The following IQGAP1 variants were observed in gnomAD, a reference collection of about 807,000 sequenced individuals.
IQGAP1 encodes IQ motif containing GTPase activating protein 1.
IQGAP1 carries 66 observed loss-of-function variants against 215.6 expected under a neutral mutation model. That is an observed-to-expected ratio of 0.31 (90% CI 0.25 to 0.38). The LOEUF (loss-of-function observed/expected upper bound fraction) is 0.38, where lower values mean the gene tolerates loss of function less well. IQGAP1 is among the 10% of genes least tolerant of loss of function. The probability of loss-of-function intolerance (pLI) is 1.00; values close to 1 mark genes in which losing one functional copy is unlikely to be tolerated. For synonymous variants in IQGAP1, 772 were observed against 728.7 expected, an observed-to-expected ratio of 1.06 and a Z score of -0.96; for missense variants, 1,712 against 1,997.1, an observed-to-expected ratio of 0.86 and a Z score of 2.72.
intron 2 of IQGAP1, among the ~76,000 whole-genome samples, chr15:90,392,930 A>G (rs1449264966): frequency 1.3e-5 from 2 of 151,770 alleles, no homozygotes; most frequent in African/African-American, 2.4e-5. Context: ...TCTTTAGTAG[A>G]GACTGGGTTT....
chr15:90,496,462 A>C (rs1399813263), intron 36 of IQGAP1, among the ~76,000 whole-genome samples: 1 of 151,714 alleles, frequency 6.6e-6, no homozygotes, highest in Non-Finnish European at 1.5e-5. Flanking sequence ...AGTAGCTGGG[A>C]CTGCAGGTGC....
intron 37 of IQGAP1, among the ~76,000 whole-genome samples, chr15:90,498,808 C>T (rs920970510): frequency 2.0e-5 from 2 of 97,920 alleles, no homozygotes; most frequent in African/African-American, 4.3e-5. Flanking sequence ...CCATCACGCC[C>T]GGCTAATTTT....
Position 90,454,533 on chromosome 15 carries a change from G to A in IQGAP1, c.1593G>A (p.Val531=), listed in dbSNP as rs766196295. 81 of 1,586,542 alleles carry A rather than the reference G, an allele frequency of 5.1e-5. No individual in the cohort carries two copies. Among genetic ancestry groups the A allele is most frequent in the Non-Finnish European group, 7.7e-6 (9 of 1,167,968 alleles). Residue 531 remains valine (V), a synonymous_variant, in exon 14 of 38, where the codon GTG becomes GTA. Transcript: ENST00000268182. ...CTTGCGTGGACCATGTGAACCTGGTGGTGCAAGAGGAACATGAGAGTGAGT... is the reference window on the plus strand; with the variant it reads ...CTTGCGTGGACCATGTGAACCTGGTAGTGCAAGAGGAACATGAGAGTGAGT... ...IQACVDHVNL[V]VQEEHERILA...
At chr15:90,492,464 G>A in intron 34 of IQGAP1, 81 bp from the exon 35 acceptor site, 1 of 896,842 alleles carries the variant, frequency 1.1e-6, no homozygotes, top group South Asian at 2.2e-5. Flanking sequence ...ATTTAAGGCA[G>A]AGTTAAGCAT....
At chr15:90,447,512 T>C (rs1311497407) in intron 9 of IQGAP1, among the ~76,000 whole-genome samples, 1 of 152,212 alleles carries the variant, frequency 6.6e-6, no homozygotes, top group Non-Finnish European at 1.5e-5. Context: ...CCCCAGATAT[T>C]TTTATTTTTG....
intron 10 of IQGAP1, 78 bp downstream of exon 10, chr15:90,448,814 A>G: frequency 8.2e-7 from 1 of 1,224,522 alleles, no homozygotes; most frequent in Non-Finnish European, 1.1e-6. Context: ...AAAGATATAT[A>G]TGCTGCCTTT....
intron 2 of IQGAP1, among the ~76,000 whole-genome samples, chr15:90,416,974 T>G (rs1463216430): frequency 3.3e-5 from 5 of 152,216 alleles, no homozygotes; most frequent in Admixed American, 2.6e-4. Flanking sequence ...GTGATGACCA[T>G]TTTTTCATGT....
chr15:90,407,205 G>C (rs986442236), intron 2 of IQGAP1, among the ~76,000 whole-genome samples: 3 of 152,210 alleles, frequency 2.0e-5, no homozygotes, highest in Non-Finnish European at 4.4e-5. Context: ...TCTGGGATGA[G>C]AGCGTGTTCG....
At chr15:90,401,526 T>TC (rs942349205) in intron 2 of IQGAP1, among the ~76,000 whole-genome samples, 4 of 152,346 alleles carry the variant, frequency 2.6e-5, no homozygotes, top group African/African-American at 9.6e-5. Context: ...GTCAGTGTAT[T>TC]CCCCTTGCCT....
At chr15:90,456,960 T>C (rs1965692389) in intron 15 of IQGAP1, among the ~76,000 whole-genome samples, 1 of 125,536 alleles carries the variant, frequency 8.0e-6, no homozygotes, top group Admixed American at 8.6e-5. Flanking sequence ...AATATACGTA[T>C]ATATACATAT....
At chr15:90,467,911 CTCTT>C (rs1965853420) in intron 18 of IQGAP1, among the ~76,000 whole-genome samples, 1 of 152,216 alleles carries the variant, frequency 6.6e-6, no homozygotes, top group African/African-American at 2.4e-5. Flanking sequence ...TTTTCAGTCT[CTCTT>C]CTAACTGTTC....
At chr15:90,461,505 A>T (rs1965761071) in intron 15 of IQGAP1, among the ~76,000 whole-genome samples, 1 of 152,212 alleles carries the variant, frequency 6.6e-6, no homozygotes, top group African/African-American at 2.4e-5. Context: ...CAAGACATGG[A>T]TATCAGGGCT....
chr15:90,452,724 C>T, intron 11 of IQGAP1, 51 bp from the exon 12 acceptor site: 6 of 1,582,488 alleles, frequency 3.8e-6, no homozygotes, highest in Non-Finnish European at 5.2e-6. Flanking sequence ...ACCTTCTTCC[C>T]CTGAGGGCTC....
chr15:90,472,931 G>C lies in IQGAP1; in HGVS notation c.2270G>C (p.Arg757Pro), dbSNP rs564402284. 6.2e-7 allele frequency: 1 copy of C among 1,614,006 alleles called. No individual in the cohort carries two copies. Among genetic ancestry groups the C allele is most frequent in the East Asian group, 2.2e-5 (1 of 44,876 alleles). The part of the protein sequence containing the change: ...GLITRLQARC[R>P]GYLVRQEFRS... ...ATCACCAGGCTGCAGGCTCGCTGCC[G>C]TGGATACTTAGTTCGACAGGAATTC... Residue 757 changes from arginine to proline, a missense_variant, in exon 19 of 38, where the codon CGT becomes CCT. Arg to Pro is a moderately radical substitution (Grantham distance 103). Coordinates refer to ENST00000268182, the MANE Select transcript of IQGAP1 (RefSeq NM_003870.4).
intron 29 of IQGAP1, 54 bp downstream of exon 29, chr15:90,483,647 TGAG>T (rs1966088125): frequency 7.7e-7 from 1 of 1,297,150 alleles, no homozygotes; most frequent in East Asian, 2.3e-5. Context: ...TTTTTATTGT[TGAG>T]GGGAAAAATA....
At position 90,452,744 on chromosome 15, in the gene IQGAP1, A is replaced by G. The variant is rs57855052; in HGVS notation, c.1163-31A>G. 55 of 1,610,894 alleles carry G rather than the reference A, an allele frequency of 3.4e-5. No homozygotes were observed. The African/African-American group carries it at 3.5e-4, about 10-fold the overall frequency. On this transcript the variant is annotated intron_variant, in intron 11 of 37. Transcript: ENST00000268182. Reference sequence around the variant, plus strand: ...CTTCCCCTGAGGGCTCTCTAAGCCCACTGCGTTTCTGACTCCTGTTTTTTA... The same window carrying G: ...CTTCCCCTGAGGGCTCTCTAAGCCCGCTGCGTTTCTGACTCCTGTTTTTTA...
rs1352486979 is a variant in IQGAP1, at chr15:90,441,667, A to G, written c.811A>G (p.Thr271Ala). Residue 271 changes from threonine to alanine, a missense_variant, in exon 8 of 38, where the codon ACA becomes GCA. Physicochemically the swap from Thr to Ala is moderately conservative, Grantham distance 58. This residue lies in a region of IQGAP1 where 1,021 missense variants were observed against 1,074.2 expected (regional missense o/e 0.95). Coordinates refer to ENST00000268182, the MANE Select transcript of IQGAP1 (RefSeq NM_003870.4). ...ILYQAKQDKM[T>A]NAKNRTENSE... ...TTACCAGGCTAAGCAGGACAAAATG[A>G]CAAATGCTAAAAACAGGGTAAAAAT... is the stretch of plus-strand genomic sequence containing the variant. 1 of 1,605,238 alleles carries G rather than the reference A, an allele frequency of 6.2e-7. No homozygotes were observed. Among genetic ancestry groups the G allele is most frequent in the Non-Finnish European group, 8.5e-7 (1 of 1,175,880 alleles).
At chr15:90,450,805 G>T (rs1028994104) in intron 11 of IQGAP1, among the ~76,000 whole-genome samples, 10 of 127,386 alleles carry the variant, frequency 7.9e-5, no homozygotes, top group South Asian at 6.8e-4. Flanking sequence ...TATTTGTGGG[G>T]TTTTTTTTTG....
At chr15:90,447,516 A>AT (rs1381331830) in intron 9 of IQGAP1, among the ~76,000 whole-genome samples, 5 of 152,014 alleles carry the variant, frequency 3.3e-5, no homozygotes, top group African/African-American at 9.7e-5. Context: ...AGATATTTTT[A>AT]TTTTTGGTAT....
Sources: gnomAD v4.1 joint callset for allele counts (sites outside exome capture counted in the v4.1 genomes callset) on GRCh38, gnomAD v4.1.1 for gene constraint, gnomAD v4.1.1 regional missense constraint, MANE v1.5 for transcripts, NCBI Gene and HGNC (gene_info 2026-07-23, HGNC 2026-07-21) for gene names.